Variants in ZNF665 observed in about 807,000 individuals in gnomAD.
ZNF665 encodes zinc finger protein 665.
In ZNF665, 6 loss-of-function variants were observed where a neutral mutation model predicts 7.9. The observed-to-expected ratio is 0.76, with a 90% CI of 0.42 to 1.50. ZNF665 has a LOEUF of 1.50. Among genes scored for constraint, ZNF665 ranks in the 40% most tolerant of loss-of-function variants. The pLI is 0.01. For synonymous variants in ZNF665, 242 were observed against 274.5 expected, an observed-to-expected ratio of 0.88 and a Z score of 1.17; for missense variants, 819 against 806.7, an observed-to-expected ratio of 1.02 and a Z score of -0.18.
At chr19:53,189,287 A>G (rs979378827) in intron 1 of ZNF665, among the ~76,000 whole-genome samples, 1 of 151,928 alleles carries the variant, frequency 6.6e-6, no homozygotes, top group African/African-American at 2.4e-5. Flanking sequence ...ACGACACAAG[A>G]CAAAGAGATA....
chr19:53,180,181 T>G (rs2090728033), intron 2 of ZNF665, among the ~76,000 whole-genome samples: 1 of 152,018 alleles, frequency 6.6e-6, no homozygotes, highest in African/African-American at 2.4e-5. Context: ...ACCTGTAATC[T>G]CAGCACTTTG....
At chr19:53,182,003 T>C (rs899122228) in intron 2 of ZNF665, 1 of 152,268 alleles carries the variant, frequency 6.6e-6, no homozygotes, top group Admixed American at 6.5e-5. Context: ...AGGAAAAGTA[T>C]GAAAACATTC....
chr19:53,168,642 A>C (rs973649383), intron 3 of ZNF665, among the ~76,000 whole-genome samples: 1 of 152,220 alleles, frequency 6.6e-6, no homozygotes, highest in Non-Finnish European at 1.5e-5. Flanking sequence ...TAGCATAATT[A>C]AAACAATTTT....
chr19:53,185,128 ACTGAT>A (rs1262696366), intron 1 of ZNF665, among the ~76,000 whole-genome samples: 2 of 151,790 alleles, frequency 1.3e-5, no homozygotes, highest in African/African-American at 4.8e-5. Flanking sequence ...GGCGAGCCTG[ACTGAT>A]GTCAGGCCCT....
intron 1 of ZNF665, among the ~76,000 whole-genome samples, chr19:53,183,615 T>C (rs1599883776): frequency 7.6e-6 from 1 of 130,970 alleles, no homozygotes; most frequent in Non-Finnish European, 1.6e-5. Context: ...GAACAGCCAA[T>C]ACAGACAAGA....
At chr19:53,185,277 CG>C (rs934729787) in intron 1 of ZNF665, among the ~76,000 whole-genome samples, 33 of 152,048 alleles carry the variant, frequency 2.2e-4, no homozygotes, top group African/African-American at 8.0e-4. Context: ...CGCTTGGCAA[CG>C]GACGTCTTCC....
Position 53,163,502 on chromosome 19 carries a change from A to G in ZNF665, c.*951T>C, listed in dbSNP as rs1337305957. ...AAAGGCAGAGTCTTTTTTCTTCAGG[A>G]GCTTGGAGAGAAATAATCCTCACCT... On this transcript the variant is annotated 3_prime_UTR_variant, in exon 4 of 4. Transcript: ENST00000396424. 1 of 152,146 alleles carries G rather than the reference A, an allele frequency of 6.6e-6. No individual in the cohort carries two copies. The highest frequency in any genetic ancestry group is 1.5e-5 in the Non-Finnish European group (1 of 68,042). 9.4% of individuals were successfully genotyped at this position (152,146 alleles called of 1,614,324 possible).
chr19:53,164,526 T>G lies in ZNF665; in HGVS notation c.1964A>C (p.Lys655Thr). The change falls in exon 4 of 4, where the codon AAA (lysine) becomes ACA (threonine). Residue 655 changes from lysine (K) to threonine (T), a missense_variant. Transcript: ENST00000396424. ...AAAGACCTTGCCACATTGGTTACAT[T>G]TGTAAGGTTTGTCTCCAGTATGGAC... ...MAVHTGDKPY[K>T]CNQCGKVFTQ... The G allele has an allele frequency of 6.2e-7, 1 of 1,613,032 alleles. No individual in the cohort carries two copies. Among genetic ancestry groups the G allele is most frequent in the Non-Finnish European group, 8.5e-7 (1 of 1,179,656 alleles).
rs1392462692 is a variant in ZNF665 at position 53,164,638 on chromosome 19, T to A, written c.1852A>T (p.Arg618Ter). The change falls in exon 4 of 4, where the codon AGA (arginine) becomes TGA (stop). Residue 618 changes from arginine (R) to a stop codon, truncating the protein, a stop_gained. Transcript: ENST00000396424. LOFTEE classifies it low-confidence loss of function (END_TRUNC). ...TAAGGTTTTTCTCCAGTGTGAATTC[T>A]TCTATGATTTGCAAGATGTGAATTT... ...TQNSHLANHR[R>*]IHTGEKPYRC... The A allele has an allele frequency of 3.7e-6, 6 of 1,612,828 alleles. No individual in the cohort carries two copies. The highest frequency in any genetic ancestry group is 5.1e-6 in the Non-Finnish European group (6 of 1,178,938).
At chr19:53,168,841 G>T (rs2090636931) in intron 3 of ZNF665, among the ~76,000 whole-genome samples, 1 of 152,116 alleles carries the variant, frequency 6.6e-6, no homozygotes, top group Admixed American at 6.6e-5. Context: ...CAATTCCATG[G>T]AGAAAAGACA....
chr19:53,193,203 GGAGGGAGC>G (rs1203314117), intron 1 of ZNF665, 101 bp downstream of exon 1: 1 of 152,256 alleles, frequency 6.6e-6, no homozygotes. Context: ...TACATGGAAT[GGAGGGAGC>G]CGTGCGGGGA....
chr19:53,192,064 C>T (rs560882253), intron 1 of ZNF665, among the ~76,000 whole-genome samples: 1 of 151,424 alleles, frequency 6.6e-6, no homozygotes, highest in African/African-American at 2.4e-5. Flanking sequence ...CATTTTGAGC[C>T]CCTCTCTTCT....
At chr19:53,168,642 A>G (rs973649383) in intron 3 of ZNF665, among the ~76,000 whole-genome samples, 7 of 152,220 alleles carry the variant, frequency 4.6e-5, no homozygotes, top group African/African-American at 1.7e-4. Context: ...TAGCATAATT[A>G]AAACAATTTT....
intron 3 of ZNF665, among the ~76,000 whole-genome samples, chr19:53,173,086 G>C (rs2146854178): frequency 6.6e-6 from 1 of 152,206 alleles, no homozygotes; most frequent in South Asian, 2.1e-4. Context: ...TGTTGCACAA[G>C]CTTCTGGGCT....
rs1039389314 is a variant in ZNF665, at chr19:53,163,315, G to C, written c.*1138C>G. 1 of 152,304 alleles carries C rather than the reference G, an allele frequency of 6.6e-6. No individual in the cohort carries two copies. Among genetic ancestry groups the C allele is most frequent in the Admixed American group, 6.5e-5 (1 of 15,268 alleles). 9.4% of individuals were successfully genotyped at this position (152,304 alleles called of 1,614,324 possible). On this transcript the variant is annotated 3_prime_UTR_variant, in exon 4 of 4. Coordinates refer to ENST00000396424, the MANE Select transcript of ZNF665 (RefSeq NM_024733.5). ...CCCAAAGTGCTGGCATTACAGGCGT[G>C]AGCCACTGTGCCCGGCCAGTAGAGA...
chr19:53,164,042 T>C lies in ZNF665; in HGVS notation c.*411A>G, dbSNP rs12972121. On this transcript the variant is annotated 3_prime_UTR_variant, in exon 4 of 4. Transcript: ENST00000396424. Reference sequence around the variant, plus strand: ...CTCATCAGGAGTTTGCCACAGTCACTGTATTTGTAAGAATTGTCTCAAGAA... The same window carrying C: ...CTCATCAGGAGTTTGCCACAGTCACCGTATTTGTAAGAATTGTCTCAAGAA... 0.52 allele frequency: 81,234 copies of C among 156,802 alleles called. 23,853 individuals carry two copies. The highest frequency in any genetic ancestry group is 0.72 in the South Asian group (3,732 of 5,176). 9.7% of individuals were successfully genotyped at this position (156,802 alleles called of 1,614,324 possible). A position where few individuals can be genotyped will look rare whatever the true frequency, so the allele number is the denominator to read the frequency against.
At chr19:53,175,705 G>A (rs981022889) in intron 2 of ZNF665, 134 bp from the exon 3 acceptor site, 10 of 980,944 alleles carry the variant, frequency 1.0e-5, no homozygotes, top group Admixed American at 2.8e-5. Flanking sequence ...CTGTGATCAC[G>A]GTACATACAG....
rs1274486408 is a variant in ZNF665, at chr19:53,164,552, T to A, written c.1938A>T (p.Ala646=). 1 of 1,613,978 alleles carries A rather than the reference T, an allele frequency of 6.2e-7. No individual in the cohort carries two copies. Among genetic ancestry groups the A allele is most frequent in the South Asian group, 1.1e-5 (1 of 91,062 alleles). ...TGTAAGGTTTGTCTCCAGTATGGAC[T>A]GCCATATGGGTAGTTAGGGTTGAAC... The part of the protein sequence containing the change: ...SVRSTLTTHM[A]VHTGDKPYKC... The change falls in exon 4 of 4, where the codon GCA becomes GCT. Residue 646 remains alanine (A), a synonymous_variant. Transcript: ENST00000396424.
intron 2 of ZNF665, among the ~76,000 whole-genome samples, chr19:53,176,697 G>A (rs930749279): frequency 6.6e-6 from 1 of 152,210 alleles, no homozygotes. Flanking sequence ...TCCAGACAGT[G>A]TAAGAACTGA....
Sources: allele counts gnomAD v4.1 joint callset (sites outside exome capture counted in the v4.1 genomes callset), GRCh38; gene constraint gnomAD v4.1.1; transcripts MANE v1.5; gene names NCBI Gene and HGNC (gene_info 2026-07-23, HGNC 2026-07-21).